The following RAVER2 variants were observed in gnomAD, a reference collection of about 807,000 sequenced individuals.
RAVER2 encodes the protein ribonucleoprotein PTB-binding 2.
A neutral mutation model predicts 78.1 loss-of-function variants in RAVER2; 46 were observed. That is an observed-to-expected ratio of 0.59 (90% CI 0.46 to 0.75). RAVER2 has a LOEUF of 0.75. Ranked by LOEUF, RAVER2 falls within the 30% of genes least tolerant of loss-of-function variation. RAVER2 has a pLI of 0.00. For synonymous variants in RAVER2, 311 were observed against 313.3 expected, an observed-to-expected ratio of 0.99 and a Z score of 0.08; for missense variants, 793 against 837.5, an observed-to-expected ratio of 0.95 and a Z score of 0.66.
exon 12 of RAVER2, chr1:64,831,165 C>T (rs1276769148): frequency 4.0e-6 from 2 of 499,490 alleles, no homozygotes; most frequent in African/African-American, 3.9e-5. Flanking sequence ...GAAGAGACAT[C>T]AATTGAGGAC....
At chr1:64,774,825 A>G (rs1652418051) in intron 2 of RAVER2, among the ~76,000 whole-genome samples, 1 of 152,052 alleles carries the variant, frequency 6.6e-6, no homozygotes, top group Non-Finnish European at 1.5e-5. Context: ...ATGTTTTTCC[A>G]TTTGTTTGTG....
rs1178193087 is a variant in RAVER2 at position 64,745,396 on chromosome 1, A to G, written c.224A>G (p.Asn75Ser). 4 of 1,536,580 alleles carry G rather than the reference A, an allele frequency of 2.6e-6. No homozygotes were observed. The East Asian group carries it at 1.0e-4, about 38-fold the overall frequency. Residue 75 changes from asparagine to serine, a missense_variant, in exon 1 of 12, where the codon AAC becomes AGC. By Grantham distance (46) the Asn-to-Ser change is conservative (BLOSUM62 1). Coordinates refer to ENST00000294428, the Ensembl canonical transcript of RAVER2. The surrounding 1 kb of genome is among the most constrained non-coding windows in gnomAD (Gnocchi z 4.3). ...AACCGCAGGAAAATCCTGGTGAAAA[A>G]CCTGCCCCAGGACAGCAACTGCCAG...
In RAVER2 at chr1:64,831,748, A is replaced by G. The variant is rs374978510; in HGVS notation, c.*763A>G. 32 of 152,312 alleles carry G rather than the reference A, an allele frequency of 2.1e-4. 7 individuals are homozygous for G. Among genetic ancestry groups the G allele is most frequent in the Admixed American group, 3.9e-4 (6 of 15,302 alleles). The allele number at this position is 152,312 out of a possible 1,614,324, so 9.4% of individuals were successfully genotyped here. On this transcript the variant is annotated 3_prime_UTR_variant, in exon 12 of 12. Transcript: ENST00000294428. ...CCTGCAAGCTAAGACTAATGTTTAC[A>G]TTTTTAAATGGTTGGAGGAAAAAAG...
Position 64,745,202 on chromosome 1 carries a change from C to T in RAVER2, c.30C>T (p.Gly10=). 9.7e-7 allele frequency: 1 copy of T among 1,035,722 alleles called. No homozygotes were observed. Among genetic ancestry groups the T allele is most frequent in the Non-Finnish European group, 1.2e-6 (1 of 864,462 alleles). 64.2% of individuals were successfully genotyped at this position (1,035,722 alleles called of 1,614,324 possible). A position where few individuals can be genotyped will look rare whatever the true frequency, so the allele number is the denominator to read the frequency against. The change falls in exon 1 of 12, where the codon GGC becomes GGT. Residue 10 remains glycine, a synonymous_variant. Transcript: ENST00000294428. This position sits in a 1 kb window ranked among gnomAD's most constrained non-coding sequence, Gnocchi z 4.3. ...CGGCGGCGGCGGGAGACGGCGGCGG[C>T]GAGGGGGGCGCGGGCCTGGGCAGCG...
intron 1 of RAVER2, among the ~76,000 whole-genome samples, chr1:64,759,698 A>G (rs1238618497): frequency 6.6e-6 from 1 of 151,880 alleles, no homozygotes; most frequent in Middle Eastern, 3.4e-3. Flanking sequence ...TTATATTTTT[A>G]GTAGAGACTG....
At chr1:64,758,389 C>T (rs1255384700) in intron 1 of RAVER2, among the ~76,000 whole-genome samples, 1 of 152,088 alleles carries the variant, frequency 6.6e-6, no homozygotes, top group Non-Finnish European at 1.5e-5. Context: ...TTACACAAAA[C>T]AGAGATTATC....
chr1:64,819,904 A>G (rs1361373388), intron 11 of RAVER2, among the ~76,000 whole-genome samples: 1 of 152,198 alleles, frequency 6.6e-6, no homozygotes, highest in Admixed American at 6.5e-5. Flanking sequence ...CCACCAACAC[A>G]CACACCATTG....
At chr1:64,764,750 T>C (rs541634709) in intron 1 of RAVER2, among the ~76,000 whole-genome samples, 1 of 152,316 alleles carries the variant, frequency 6.6e-6, no homozygotes, top group African/African-American at 2.4e-5. Context: ...GCCAGCAGGC[T>C]GGAAACTCAG....
intron 4 of RAVER2, among the ~76,000 whole-genome samples, chr1:64,785,473 G>A (rs1379529343): frequency 6.6e-6 from 1 of 151,164 alleles, no homozygotes; most frequent in Non-Finnish European, 1.5e-5. Context: ...GGGTTCAAGC[G>A]ACTCTCGTGC....
intron 4 of RAVER2, 95 bp downstream of exon 4, chr1:64,781,666 ATTG>A: frequency 8.4e-7 from 1 of 1,188,166 alleles, no homozygotes; most frequent in Non-Finnish European, 1.1e-6. Flanking sequence ...TTGATTGTCG[ATTG>A]CACCATCATT....
chr1:64,797,338 G>A (rs1653122713), intron 5 of RAVER2, among the ~76,000 whole-genome samples: 1 of 152,174 alleles, frequency 6.6e-6, no homozygotes, highest in Non-Finnish European at 1.5e-5. Context: ...CCATAGCTAA[G>A]GGTAAGAGCA....
At chr1:64,794,738 A>G (rs779475214) in intron 5 of RAVER2, among the ~76,000 whole-genome samples, 33 of 152,046 alleles carry the variant, frequency 2.2e-4, no homozygotes, top group Non-Finnish European at 3.8e-4. Context: ...TTTTTATTTT[A>G]CATACAAGTA....
At chr1:64,805,404 C>T (rs1653389819) in intron 8 of RAVER2, among the ~76,000 whole-genome samples, 1 of 152,112 alleles carries the variant, frequency 6.6e-6, no homozygotes, top group African/African-American at 2.4e-5. Context: ...GCCCACTGGG[C>T]TGACAGCACA....
chr1:64,794,182 G>C (rs756347884), intron 5 of RAVER2, among the ~76,000 whole-genome samples: 1 of 151,838 alleles, frequency 6.6e-6, no homozygotes, highest in African/African-American at 2.4e-5. Context: ...AGGTCGAGGC[G>C]AGCGGATCAC....
At chr1:64,798,170 G>A (rs12124962) in intron 5 of RAVER2, among the ~76,000 whole-genome samples, 9,297 of 129,670 alleles carry the variant, frequency 0.072, 405 homozygotes, top group Non-Finnish European at 0.094. Flanking sequence ...GAGAATATGC[G>A]GTGTTTGGTT....
At position 64,755,047 on chromosome 1, in the gene RAVER2, A is replaced by G. The variant is rs182155716; in HGVS notation, c.249+9626A>G. On this transcript the variant is annotated intron_variant, in intron 1 of 11. Coordinates refer to ENST00000294428, the Ensembl canonical transcript of RAVER2. ...ATTTTAGGTTCTGTGCCTGGCCCAGAGTGGATGCTCAACAAAGTAAATTTT... is the reference window on the plus strand; with the variant it reads ...ATTTTAGGTTCTGTGCCTGGCCCAGGGTGGATGCTCAACAAAGTAAATTTT... 6.6e-5 allele frequency among the ~76,000 whole-genome samples: 10 copies of G among 152,362 alleles called. 1 individual carries two copies. In the East Asian group the frequency reaches 1.9e-3, roughly 29 times the overall value.
intron 1 of RAVER2, among the ~76,000 whole-genome samples, chr1:64,746,620 T>A (rs999908077): frequency 1.3e-5 from 2 of 152,222 alleles, no homozygotes; most frequent in Non-Finnish European, 2.9e-5. Context: ...CATATAACCT[T>A]ATAACCCGTA....
chr1:64,808,681 C>G (rs1184390681), intron 9 of RAVER2, among the ~76,000 whole-genome samples: 1 of 151,844 alleles, frequency 6.6e-6, no homozygotes, highest in Non-Finnish European at 1.5e-5. Context: ...AGACTGGTCT[C>G]GAACTCCTGA....
At chr1:64,756,443 A>G (rs1336635110) in intron 1 of RAVER2, among the ~76,000 whole-genome samples, 2 of 152,086 alleles carry the variant, frequency 1.3e-5, no homozygotes, top group South Asian at 2.1e-4. Flanking sequence ...TCCTACTACC[A>G]TTACTTATTT....
Sources: gnomAD v4.1 joint callset for allele counts (sites outside exome capture counted in the v4.1 genomes callset) on GRCh38, gnomAD v4.1.1 for gene constraint, Gnocchi (gnomAD v3.1) non-coding constraint, MANE v1.5 for transcripts, NCBI Gene and HGNC (gene_info 2026-07-23, HGNC 2026-07-21) for gene names.